The following RNF180 variants were observed in gnomAD, a reference collection of about 807,000 sequenced individuals.
RNF180 encodes E3 ubiquitin-protein ligase RNF180.
Under a neutral mutation model 59.2 loss-of-function variants are expected in RNF180, and 38 were observed. The ratio of observed to expected loss-of-function variants is 0.64; its 90% CI spans 0.50 to 0.84. RNF180 has a LOEUF of 0.84. RNF180 is among the 40% of genes least tolerant of loss of function. The pLI, the probability that RNF180 is intolerant of heterozygous loss-of-function variation, is 0.00. For missense variants in RNF180, 705 were observed against 700.9 expected (o/e 1.01, Z -0.07); for synonymous variants, 262 against 240.3 (o/e 1.09, Z -0.84).
intron 2 of RNF180, among the ~76,000 whole-genome samples, chr5:64,204,300 T>C (rs1023118185): frequency 2.6e-5 from 4 of 152,214 alleles, no homozygotes; most frequent in Non-Finnish European, 5.9e-5. Context: ...AACTTTCTTA[T>C]GCATATCTTT....
chr5:64,199,874 A>G (rs781409391), intron 1 of RNF180, among the ~76,000 whole-genome samples: 3 of 152,242 alleles, frequency 2.0e-5, no homozygotes, highest in South Asian at 4.1e-4. Context: ...GTGCAAAAAT[A>G]GATTACAAAT....
intron 4 of RNF180, among the ~76,000 whole-genome samples, chr5:64,217,014 C>A (rs1388123334): frequency 6.6e-6 from 1 of 152,142 alleles, no homozygotes; most frequent in Non-Finnish European, 1.5e-5. Flanking sequence ...CGTCCCTAAT[C>A]CCTGAAAACC....
intron 7 of RNF180, among the ~76,000 whole-genome samples, chr5:64,344,042 A>AGAG (rs1745460616): frequency 6.6e-6 from 1 of 152,000 alleles, no homozygotes; most frequent in East Asian, 2.0e-4. Flanking sequence ...AACCATATCT[A>AGAG]GAGACATCAT....
chr5:64,214,799 G>GT (rs933958205), intron 4 of RNF180, among the ~76,000 whole-genome samples: 12 of 151,858 alleles, frequency 7.9e-5, no homozygotes, highest in Non-Finnish European at 1.5e-4. Flanking sequence ...ACACTGGATT[G>GT]TTTTTTACTA....
intron 5 of RNF180, among the ~76,000 whole-genome samples, chr5:64,262,265 T>C (rs1480296341): frequency 6.6e-6 from 1 of 152,178 alleles, no homozygotes; most frequent in Non-Finnish European, 1.5e-5. Context: ...TAAGATTACT[T>C]TCTTCCCTTT....
intron 5 of RNF180, among the ~76,000 whole-genome samples, chr5:64,282,550 T>A (rs1561237171): frequency 1.3e-5 from 2 of 152,198 alleles, no homozygotes; most frequent in Admixed American, 6.5e-5. Context: ...AGTTCAGCTC[T>A]GATTTTGGTT....
chr5:64,220,504 T>C (rs1580041510), intron 5 of RNF180, among the ~76,000 whole-genome samples: 1 of 152,070 alleles, frequency 6.6e-6, no homozygotes, highest in East Asian at 1.9e-4. Flanking sequence ...TCTAAGTTAT[T>C]AGTGTATTCA....
chr5:64,179,588 G>A (rs2111933562), intron 1 of RNF180, among the ~76,000 whole-genome samples: 1 of 152,124 alleles, frequency 6.6e-6, no homozygotes, highest in Non-Finnish European at 1.5e-5. Context: ...GATACATACA[G>A]CTTTATTACT....
At chr5:64,177,795 C>A (rs1373811776) in intron 1 of RNF180, among the ~76,000 whole-genome samples, 3 of 151,832 alleles carry the variant, frequency 2.0e-5, no homozygotes, top group Non-Finnish European at 4.4e-5. Flanking sequence ...TTAAAATAAA[C>A]CAACAATGGA....
At position 64,276,391 on chromosome 5, in the gene RNF180, GTTTA is replaced by G. The variant is rs528548598; in HGVS notation, c.1228-48787_1228-48784del. ...ACCACATTGGTGTGTGTGTGTGTGT[GTTTA>G]TTTATTTTCTCCACAAAGAAACAAA... On this transcript the variant is annotated intron_variant, in intron 5 of 7. Transcript: ENST00000389100. Among the ~76,000 whole-genome samples the G allele has an allele frequency of 4.7e-4, 71 of 150,640 alleles. No individual in the cohort carries two copies. In the South Asian group the frequency reaches 8.8e-3, roughly 19 times the overall value.
chr5:64,263,404 G>T (rs1445957), intron 5 of RNF180, among the ~76,000 whole-genome samples: 152,089 of 152,298 alleles, frequency 1, 75,944 homozygotes, highest in Non-Finnish European at 1. Context: ...GATGTGCACA[G>T]TTAGCTCTTT....
chr5:64,207,642 G>C (rs1029957969), intron 2 of RNF180, among the ~76,000 whole-genome samples: 2 of 152,074 alleles, frequency 1.3e-5, no homozygotes, highest in Non-Finnish European at 1.5e-5. Flanking sequence ...GAATTAGAAA[G>C]GTACCAAGAA....
chr5:64,355,973 T>A (rs1032098398), intron 7 of RNF180, among the ~76,000 whole-genome samples: 2 of 151,642 alleles, frequency 1.3e-5, no homozygotes, highest in African/African-American at 4.8e-5. Flanking sequence ...AGATATGACA[T>A]CAAAATCACA....
chr5:64,242,459 C>G (rs563902498), intron 5 of RNF180, among the ~76,000 whole-genome samples: 1 of 152,160 alleles, frequency 6.6e-6, no homozygotes, highest in Non-Finnish European at 1.5e-5. Flanking sequence ...CTCACTGAAC[C>G]TCAGAAAATA....
At chr5:64,292,123 G>A (rs1490554799) in intron 5 of RNF180, among the ~76,000 whole-genome samples, 1 of 152,098 alleles carries the variant, frequency 6.6e-6, no homozygotes, top group Admixed American at 6.6e-5. Flanking sequence ...TGTGAAGCCT[G>A]CTTCCATCAA....
intron 1 of RNF180, among the ~76,000 whole-genome samples, chr5:64,167,308 C>G (rs1197092080): frequency 6.6e-6 from 1 of 151,974 alleles, no homozygotes; most frequent in Non-Finnish European, 1.5e-5. Context: ...TAATTGTGTA[C>G]GTGTTATGTT....
chr5:64,357,641 T>G (rs918882265), intron 7 of RNF180, among the ~76,000 whole-genome samples: 1 of 151,746 alleles, frequency 6.6e-6, no homozygotes, highest in Non-Finnish European at 1.5e-5. Flanking sequence ...CAAAAACATA[T>G]ATTGAATGTC....
chr5:64,334,525 T>C (rs1396558488), intron 7 of RNF180, among the ~76,000 whole-genome samples: 1 of 151,198 alleles, frequency 6.6e-6, no homozygotes, highest in African/African-American at 2.4e-5. Flanking sequence ...CAATTACCAA[T>C]ATTATTGAAG....
chr5:64,228,982 C>T (rs748495887), intron 5 of RNF180, among the ~76,000 whole-genome samples: 19 of 133,926 alleles, frequency 1.4e-4, no homozygotes, highest in Admixed American at 2.6e-4. Context: ...AGTGCAGTGG[C>T]GTGATCTCGG....
Sources: allele counts gnomAD v4.1 joint callset (sites outside exome capture counted in the v4.1 genomes callset), GRCh38; gene constraint gnomAD v4.1.1; transcripts MANE v1.5; gene names NCBI Gene and HGNC (gene_info 2026-07-23, HGNC 2026-07-21).